TRIM29: variants seen among roughly 807,000 people sequenced by gnomAD.
TRIM29 encodes tripartite motif-containing protein 29.
A neutral mutation model predicts 57.3 loss-of-function variants in TRIM29; 52 were observed. The observed-to-expected ratio is 0.91, with a 90% CI of 0.73 to 1.14. TRIM29 has a LOEUF of 1.14. Among genes scored for constraint, TRIM29 ranks in the 50% most tolerant of loss-of-function variants. The pLI, the probability that TRIM29 is intolerant of heterozygous loss-of-function variation, is 0.00. For synonymous variants in TRIM29, 319 were observed against 316.9 expected, an observed-to-expected ratio of 1.01 and a Z score of -0.07; for missense variants, 753 against 774.6, an observed-to-expected ratio of 0.97 and a Z score of 0.33.
rs773560840 is a variant in TRIM29, at chr11:120,123,021, G to C, written c.1368C>G (p.Asn456Lys). 1.9e-5 allele frequency: 31 copies of C among 1,614,116 alleles called. No individual in the cohort carries two copies. The highest frequency in any genetic ancestry group is 8.9e-5 in the East Asian group (4 of 44,874). Residue 456 changes from asparagine (N) to lysine (K), a missense_variant, in exon 5 of 9, where the codon AAC (asparagine) becomes AAG (lysine). Physicochemically the swap from Asn to Lys is moderately conservative, Grantham distance 94. Coordinates refer to ENST00000341846, the MANE Select transcript of TRIM29 (RefSeq NM_012101.4). The stretch of plus-strand genomic sequence containing the variant: ...GTGCACTCCACTCACCCCCGAAGCT[G>C]TTCGTGTAGTTGTTCACATAGCGAT... ...GDHRYVNNYT[N>K]SFGGEWSAPD... is the part of the protein sequence containing the mutation.
intron 1 of TRIM29, among the ~76,000 whole-genome samples, chr11:120,132,552 T>C (rs911522105): frequency 6.6e-6 from 1 of 152,206 alleles, no homozygotes; most frequent in African/African-American, 2.4e-5. Flanking sequence ...CGAGAGCAGA[T>C]GGGTGGTGCA....
At chr11:120,132,596 T>C (rs1863741838) in intron 1 of TRIM29, among the ~76,000 whole-genome samples, 1 of 152,162 alleles carries the variant, frequency 6.6e-6, no homozygotes, top group Admixed American at 6.5e-5. Flanking sequence ...GACGTGGTCT[T>C]CAGGTGGAGA....
At chr11:120,119,537 C>T (rs1045818464) in intron 6 of TRIM29, among the ~76,000 whole-genome samples, 1 of 152,238 alleles carries the variant, frequency 6.6e-6, no homozygotes, top group East Asian at 1.9e-4. Context: ...TCTCTCTCAA[C>T]AACTGCTTCC....
chr11:120,121,971 T>A (rs1349047643), intron 5 of TRIM29: 1 of 448,832 alleles, frequency 2.2e-6, no homozygotes, highest in South Asian at 1.6e-5. Context: ...GGAGGCAGGC[T>A]GGCCGGCTGG....
chr11:120,122,131 A>AGT (rs72245071), intron 5 of TRIM29: 2,825 of 203,848 alleles, frequency 0.014, 29 homozygotes, highest in East Asian at 0.061. Flanking sequence ...TGTGTGTGTG[A>AGT]GTGTGTGTGT....
At chr11:120,133,627 G>A (rs1863760171) in intron 1 of TRIM29, among the ~76,000 whole-genome samples, 1 of 152,168 alleles carries the variant, frequency 6.6e-6, no homozygotes, top group South Asian at 2.1e-4. Flanking sequence ...CCCCTCCAGG[G>A]CACCCTGGCC....
rs188262696 is a variant in TRIM29, at chr11:120,136,008, G to T, written c.804+1220C>A. ...CCTTTGCCCAAATCACCTTCCCCAG[G>T]TATGCTACATCCACAAGCCTGCACT... is the stretch of plus-strand genomic sequence containing the variant. On this transcript the variant is annotated intron_variant, in intron 1 of 8. Transcript: ENST00000341846. Among the ~76,000 whole-genome samples the T allele has an allele frequency of 2.6e-5, 4 of 152,264 alleles. No homozygotes were observed. In the East Asian group the frequency reaches 7.7e-4, roughly 29 times the overall value.
rs1261895331 is a variant in TRIM29, at chr11:120,138,011, G to A, written c.21C>T (p.Ser7=). The change falls in exon 1 of 9, where the codon TCC becomes TCT. Residue 7 remains serine (S), a synonymous_variant. Transcript: ENST00000341846. ...CTTCTGGGCTCGACCCGTTGCTCCT[G>A]GAGGCATCTGCAGCTTCCATCGCAG... The part of the protein sequence containing the change: MEAADA[S]RSNGSSPEAR... 2.5e-6 allele frequency: 4 copies of A among 1,599,432 alleles called. No homozygotes were observed. In the Admixed American group the frequency reaches 6.7e-5, roughly 27 times the overall value.
At chr11:120,125,616 C>T in intron 4 of TRIM29, 75 bp downstream of exon 4, 2 of 1,533,334 alleles carry the variant, frequency 1.3e-6, no homozygotes, top group East Asian at 2.3e-5. Context: ...GAGGCCAGCC[C>T]ATGTCAGGCA....
chr11:120,125,651 G>A (rs1863569117), intron 4 of TRIM29, 40 bp downstream of exon 4: 1 of 1,606,616 alleles, frequency 6.2e-7, no homozygotes, highest in South Asian at 1.1e-5. Context: ...GGGAGAGAAA[G>A]GTCTATGGCC....
rs1317643074 is a variant in TRIM29 at position 120,137,824 on chromosome 11, A to C, written c.208T>G (p.Phe70Val). ...LKPGEGRSALFAGNEWRRPII... is the reference protein window; with the variant it reads ...LKPGEGRSALVAGNEWRRPII... Reference sequence around the variant, plus strand: ...GGTCGCCGCCACTCATTGCCCGCGAACAGGGCGCTCCTACCTTCCCCTGGC... The same window carrying C: ...GGTCGCCGCCACTCATTGCCCGCGACCAGGGCGCTCCTACCTTCCCCTGGC... Residue 70 changes from phenylalanine (F) to valine (V), a missense_variant, in exon 1 of 9, where the codon TTC (phenylalanine) becomes GTC (valine). Phe to Val is a conservative substitution (Grantham distance 50, BLOSUM62 -1). Coordinates refer to ENST00000341846, the MANE Select transcript of TRIM29 (RefSeq NM_012101.4). The surrounding 1 kb of genome is among the most constrained non-coding windows in gnomAD (Gnocchi z 6.2). 2 of 1,612,424 alleles carry C rather than the reference A, an allele frequency of 1.2e-6. No homozygotes were observed. The highest frequency in any genetic ancestry group is 1.7e-6 in the Non-Finnish European group (2 of 1,180,030).
At chr11:120,115,304 T>C (rs1179527007) in intron 8 of TRIM29, 34 bp downstream of exon 8, 4 of 1,603,444 alleles carry the variant, frequency 2.5e-6, no homozygotes, top group Admixed American at 1.7e-5. Flanking sequence ...GGTCTCTGGA[T>C]GTGCCCAGGC....
intron 4 of TRIM29, chr11:120,124,612 T>C (rs1415409875): frequency 6.6e-6 from 1 of 152,200 alleles, no homozygotes; most frequent in Non-Finnish European, 1.5e-5. Context: ...CACTCAATCA[T>C]TGTCAGCTGT....
At chr11:120,115,006 A>G (rs981082163) in intron 8 of TRIM29, among the ~76,000 whole-genome samples, 6 of 152,174 alleles carry the variant, frequency 3.9e-5, no homozygotes, top group African/African-American at 1.2e-4. Context: ...CTGTTTTACA[A>G]TCCCAGAGCT....
At chr11:120,118,667 C>A (rs1208775591) in intron 6 of TRIM29, among the ~76,000 whole-genome samples, 5 of 151,638 alleles carry the variant, frequency 3.3e-5, no homozygotes, top group Non-Finnish European at 7.4e-5. Context: ...CCTCCCTCCA[C>A]CACTGGACAT....
chr11:120,130,843 G>A (rs1310716752), intron 1 of TRIM29, among the ~76,000 whole-genome samples: 1 of 152,210 alleles, frequency 6.6e-6, no homozygotes, highest in Non-Finnish European at 1.5e-5. Flanking sequence ...GAGGAGCACA[G>A]CAGATGTGGT....
rs1863837747 is a variant in TRIM29 at position 120,137,253 on chromosome 11, A to G, written c.779T>C (p.Val260Ala). Residue 260 changes from valine to alanine, a missense_variant, in exon 1 of 9, where the codon GTG becomes GCG. Transcript: ENST00000341846. The surrounding 1 kb of genome is among the most constrained non-coding windows in gnomAD (Gnocchi z 6.2). ...QEHKNHSTVTVEEAKAEKETE... is the reference protein window; with the variant it reads ...QEHKNHSTVTAEEAKAEKETE... ...CTCCTTCTCGGCCTTGGCCTCCTCC[A>G]CTGTCACGGTGCTATGATTCTTGTG... The G allele has an allele frequency of 6.2e-7, 1 of 1,614,172 alleles. No homozygotes were observed. The highest frequency in any genetic ancestry group is 1.3e-5 in the African/African-American group (1 of 75,054).
rs1591333703 is a variant in TRIM29 at position 120,137,890 on chromosome 11, C to T, written c.142G>A (p.Gly48Arg). 3.7e-6 allele frequency: 6 copies of T among 1,611,078 alleles called. No individual in the cohort carries two copies. Among genetic ancestry groups the T allele is most frequent in the South Asian group, 1.1e-5 (1 of 91,084 alleles). The change falls in exon 1 of 9, where the codon GGG becomes AGG. Residue 48 changes from glycine (G) to arginine (R), a missense_variant. Coordinates refer to ENST00000341846, the MANE Select transcript of TRIM29 (RefSeq NM_012101.4). The surrounding 1 kb of genome is among the most constrained non-coding windows in gnomAD (Gnocchi z 6.2). Reference protein sequence around the residue: ...KDAKTTNGHGGEAAEGKSLGS... With the variant: ...KDAKTTNGHGREAAEGKSLGS... Reference sequence around the variant, plus strand: ...AGGCTCTTGCCCTCAGCTGCCTCCCCGCCGTGCCCGTTGGTGGTCTTGGCA... The same window carrying T: ...AGGCTCTTGCCCTCAGCTGCCTCCCTGCCGTGCCCGTTGGTGGTCTTGGCA...
At position 120,115,489 on chromosome 11, in the gene TRIM29, C is replaced by A. The variant is rs992160415; in HGVS notation, c.1628-75G>T. 10 of 1,291,188 alleles carry A rather than the reference C, an allele frequency of 7.7e-6. No individual in the cohort carries two copies. In the Admixed American group the frequency reaches 1.8e-4, roughly 23 times the overall value. The allele number at this position is 1,291,188 out of a possible 1,614,324, so 80.0% of individuals were successfully genotyped here. A position where few individuals can be genotyped will look rare whatever the true frequency, so the allele number is the denominator to read the frequency against. On this transcript the variant is annotated intron_variant, in intron 7 of 8. Transcript: ENST00000341846. ...GGTGCCCGGGCCCAGAGCAGCACAG[C>A]TGCCTTCTCCAAAGTGACCACCAAG...
Sources: allele counts gnomAD v4.1 joint callset (sites outside exome capture counted in the v4.1 genomes callset), GRCh38; gene constraint gnomAD v4.1.1; non-coding constraint Gnocchi (gnomAD v3.1); transcripts MANE v1.5; gene names NCBI Gene and HGNC (gene_info 2026-07-23, HGNC 2026-07-21).